Variants in NEBL observed in about 807,000 individuals in gnomAD.
The protein encoded by NEBL is LIM and SH3 protein 2.
A neutral mutation model predicts 140.2 loss-of-function variants in NEBL; 122 were observed. That is an observed-to-expected ratio of 0.87 (90% CI 0.75 to 1.01). The LOEUF (loss-of-function observed/expected upper bound fraction) is 1.01, where lower values mean the gene tolerates loss of function less well. Among genes scored for constraint, NEBL ranks in the 50% least tolerant of loss-of-function variants. The pLI is 0.00. For synonymous variants in NEBL, 436 were observed against 398.9 expected (o/e 1.09, Z -1.11); for missense variants, 1,365 against 1,231.3 (o/e 1.11, Z -1.62).
At chr10:20,802,063 G>A (rs567385557) in intron 26 of NEBL, among the ~76,000 whole-genome samples, 24 of 152,320 alleles carry the variant, frequency 1.6e-4, no homozygotes, top group African/African-American at 5.5e-4. Flanking sequence ...GAGGAAAACA[G>A]AAACACATAG....
chr10:21,024,921 G>A (rs1471932524), intron 2 of NEBL, among the ~76,000 whole-genome samples: 2 of 152,156 alleles, frequency 1.3e-5, no homozygotes, highest in East Asian at 1.9e-4. Flanking sequence ...CATCTAACAC[G>A]AATCGGTAGC....
At chr10:21,128,253 T>G (rs1838931608) in intron 2 of NEBL, among the ~76,000 whole-genome samples, 1 of 152,180 alleles carries the variant, frequency 6.6e-6, no homozygotes, top group East Asian at 1.9e-4. Context: ...ACCATAGACA[T>G]TTTCTTCCTC....
chr10:20,981,288 C>A (rs1400081031), intron 3 of NEBL, among the ~76,000 whole-genome samples: 1 of 150,416 alleles, frequency 6.6e-6, no homozygotes, highest in Non-Finnish European at 1.5e-5. Flanking sequence ...GCTTCAAACA[C>A]TAATACAGGC....
At chr10:20,934,946 G>T (rs2131546469) in intron 4 of NEBL, among the ~76,000 whole-genome samples, 2 of 152,340 alleles carry the variant, frequency 1.3e-5, no homozygotes, top group Middle Eastern at 6.8e-3. Flanking sequence ...GTTGTGATTG[G>T]AAATGAATCT....
At chr10:20,879,014 C>T (rs143275311) in intron 5 of NEBL, among the ~76,000 whole-genome samples, 4 of 152,256 alleles carry the variant, frequency 2.6e-5, no homozygotes, top group Non-Finnish European at 4.4e-5. Flanking sequence ...CCTTCTAACC[C>T]GTGGCCTTTT....
intron 5 of NEBL, among the ~76,000 whole-genome samples, chr10:20,876,449 C>A (rs560029022): frequency 6.6e-6 from 1 of 152,216 alleles, no homozygotes; most frequent in Admixed American, 6.5e-5. Flanking sequence ...CATCGGGGAA[C>A]CACAGAGAGC....
At chr10:20,950,122 C>T (rs1454901228) in intron 4 of NEBL, among the ~76,000 whole-genome samples, 1 of 152,150 alleles carries the variant, frequency 6.6e-6, no homozygotes, top group Non-Finnish European at 1.5e-5. Context: ...GAGCTTGTTG[C>T]TCTAACATTG....
At chr10:21,125,757 C>A in intron 2 of NEBL, 1 of 1,247,550 alleles carries the variant, frequency 8.0e-7, no homozygotes, top group Non-Finnish European at 1.1e-6. Flanking sequence ...CGGATGGAAA[C>A]AGAACTCAGG....
At chr10:21,119,482 T>TTGAG (rs1408905012) in intron 2 of NEBL, among the ~76,000 whole-genome samples, 16 of 124,504 alleles carry the variant, frequency 1.3e-4, no homozygotes, top group African/African-American at 5.3e-4. Context: ...TATAGTTATA[T>TTGAG]TAATATACTG....
At chr10:20,819,391 G>A (rs779527539) in intron 20 of NEBL, 33 bp downstream of exon 20, 2 of 1,612,516 alleles carry the variant, frequency 1.2e-6, no homozygotes, top group Admixed American at 3.3e-5. Context: ...TGTTATGTTT[G>A]AGAAAATATA....
chr10:21,092,561 A>G (rs1836969223), intron 2 of NEBL, among the ~76,000 whole-genome samples: 1 of 148,328 alleles, frequency 6.7e-6, no homozygotes, highest in South Asian at 2.1e-4. Flanking sequence ...TTTAATTCAC[A>G]TGGACTTCTT....
chr10:20,809,726 C>A, intron 25 of NEBL, 80 bp downstream of exon 25: 2 of 1,137,008 alleles, frequency 1.8e-6, no homozygotes, highest in South Asian at 2.5e-5. Flanking sequence ...TTACACAGTA[C>A]AATGAACCTC....
chr10:21,100,018 C>G (rs1837399135), intron 2 of NEBL, among the ~76,000 whole-genome samples: 1 of 152,112 alleles, frequency 6.6e-6, no homozygotes, highest in African/African-American at 2.4e-5. Context: ...TTCTATTTCC[C>G]TTAAAAACAC....
chr10:21,231,769 G>A (rs1216313764), intron 3 of NEBL, among the ~76,000 whole-genome samples: 2 of 152,148 alleles, frequency 1.3e-5, no homozygotes, highest in Non-Finnish European at 2.9e-5. Flanking sequence ...ATCAGCAGGA[G>A]GAGGTAGGGA....
At position 20,785,490 on chromosome 10, in the gene NEBL, T is replaced by C; in HGVS notation, c.*257A>G. On this transcript the variant is annotated 3_prime_UTR_variant, in exon 28 of 28. Transcript: ENST00000377122. ...TTTCCCAGAAGGGTTCAATAGCCAATCAAAGGAAACCATGAACACAATTAG... is the reference window on the plus strand; with the variant it reads ...TTTCCCAGAAGGGTTCAATAGCCAACCAAAGGAAACCATGAACACAATTAG... The C allele has an allele frequency of 1.9e-6, 1 of 519,168 alleles. No individual in the cohort carries two copies. The highest frequency in any genetic ancestry group is 2.1e-5 in the South Asian group (1 of 48,026). The allele number at this position is 519,168 out of a possible 1,614,324, so 32.2% of individuals were successfully genotyped here. A position where few individuals can be genotyped will look rare whatever the true frequency, so the allele number is the denominator to read the frequency against.
intron 3 of NEBL, among the ~76,000 whole-genome samples, chr10:21,214,607 GCA>G (rs1190879490): frequency 2.6e-5 from 4 of 151,040 alleles, no homozygotes; most frequent in Admixed American, 6.6e-5. Context: ...ATATACACAT[GCA>G]CACACATGCA....
intron 4 of NEBL, among the ~76,000 whole-genome samples, chr10:20,921,476 C>T (rs1205777184): frequency 6.6e-6 from 1 of 152,126 alleles, no homozygotes; most frequent in African/African-American, 2.4e-5. Flanking sequence ...TCACACCCTC[C>T]CTTCTCTGGA....
At chr10:20,969,834 C>T (rs960636287) in intron 3 of NEBL, among the ~76,000 whole-genome samples, 1 of 151,824 alleles carries the variant, frequency 6.6e-6, no homozygotes, top group Non-Finnish European at 1.5e-5. Flanking sequence ...TGTGAGCCAC[C>T]GTGCCTGGCC....
intron 3 of NEBL, among the ~76,000 whole-genome samples, chr10:20,975,299 T>A (rs1272261089): frequency 6.6e-6 from 1 of 152,126 alleles, no homozygotes; most frequent in Non-Finnish European, 1.5e-5. Flanking sequence ...CATGGATAAG[T>A]GTTTCGACTT....
Sources: allele counts gnomAD v4.1 joint callset (sites outside exome capture counted in the v4.1 genomes callset), GRCh38; gene constraint gnomAD v4.1.1; transcripts MANE v1.5; gene names NCBI Gene and HGNC (gene_info 2026-07-23, HGNC 2026-07-21).